ANK3: variants seen among roughly 807,000 people sequenced by gnomAD.
ANK3 encodes the protein ankyrin 3.
Under a neutral mutation model 370.9 loss-of-function variants are expected in ANK3, and 57 were observed. The observed-to-expected ratio is 0.15, with a 90% CI of 0.12 to 0.19. The LOEUF (loss-of-function observed/expected upper bound fraction) is 0.19. Ranked by LOEUF, ANK3 falls within the 10% of genes least tolerant of loss-of-function variation. The pLI is 1.00. For missense variants in ANK3, 4,439 were observed against 5,302.1 expected (o/e 0.84, Z 5.06); for synonymous variants, 1,929 against 1,946.3 (o/e 0.99, Z 0.23).
Position 60,573,054 on chromosome 10 carries a change from T to C in ANK3, c.96+42132A>G, listed in dbSNP as rs557257177. 1.9e-5 allele frequency: 18 copies of C among 966,856 alleles called. No individual in the cohort carries two copies. The South Asian group carries it at 2.9e-4, about 15-fold the overall frequency. The allele number at this position is 966,856 out of a possible 1,614,324, so 59.9% of individuals were successfully genotyped here. On this transcript the variant is annotated intron_variant, in intron 2 of 43. Transcript: ENST00000373827. Reference sequence around the variant, plus strand: ...TGCTCTCCGTGCTGCTAGCCTCCCATACTAACACATGTGTTGAATGCATCA... The same window carrying C: ...TGCTCTCCGTGCTGCTAGCCTCCCACACTAACACATGTGTTGAATGCATCA...
intron 1 of ANK3, among the ~76,000 whole-genome samples, chr10:60,304,195 T>C (rs977780347): frequency 4.6e-5 from 7 of 152,090 alleles, no homozygotes; most frequent in Non-Finnish European, 1.0e-4. Flanking sequence ...AATGTGAATA[T>C]AGTTAACCAT....
intron 7 of ANK3, among the ~76,000 whole-genome samples, chr10:60,247,658 A>G (rs975449204): frequency 6.6e-6 from 1 of 151,894 alleles, no homozygotes; most frequent in African/African-American, 2.4e-5. Flanking sequence ...TCAGCATTTT[A>G]TTATTTTTTT....
At chr10:60,188,911 A>G (rs1048540346) in intron 16 of ANK3, among the ~76,000 whole-genome samples, 3 of 152,186 alleles carry the variant, frequency 2.0e-5, no homozygotes, top group Admixed American at 1.3e-4. Flanking sequence ...ATGCTACAAT[A>G]AGTGACCAGC....
intron 4 of ANK3, among the ~76,000 whole-genome samples, chr10:60,275,569 T>G (rs2098077520): frequency 1.3e-5 from 2 of 152,238 alleles, no homozygotes; most frequent in South Asian, 4.2e-4. Flanking sequence ...TGAAGGTCAG[T>G]TAGATTAGAG....
intron 2 of ANK3, among the ~76,000 whole-genome samples, chr10:60,548,654 G>A (rs910874101): frequency 9.2e-5 from 14 of 152,002 alleles, no homozygotes; most frequent in African/African-American, 3.4e-4. Context: ...TACCTTACTA[G>A]TTCCCATTGA....
intron 42 of ANK3, chr10:60,051,660 T>TCC: frequency 2.7e-6 from 1 of 369,382 alleles, no homozygotes; most frequent in Non-Finnish European, 3.6e-6. Context: ...CTTGATGTTT[T>TCC]CTTCTTTTTT....
At chr10:60,065,693 T>G (rs1254636212) in intron 38 of ANK3, among the ~76,000 whole-genome samples, 1 of 152,234 alleles carries the variant, frequency 6.6e-6, no homozygotes, top group African/African-American at 2.4e-5. Context: ...ATACATTATA[T>G]ATCATGGTGT....
In ANK3 at chr10:60,283,065, A is replaced by C. The variant is rs552211680; in HGVS notation, c.115-3426T>G. Among the ~76,000 whole-genome samples, 51 of 152,314 alleles carry C rather than the reference A, an allele frequency of 3.3e-4. 1 individual carries two copies. Among genetic ancestry groups the C allele is most frequent in the Admixed American group, 2.6e-3 (40 of 15,290 alleles). Reference sequence around the variant, plus strand: ...ATCTGGATACACATTGGTGGAACAAAATAAATGTGGCACAAATAATGACTT... The same window carrying C: ...ATCTGGATACACATTGGTGGAACAACATAAATGTGGCACAAATAATGACTT... On this transcript the variant is annotated intron_variant, in intron 1 of 43. Coordinates refer to ENST00000280772, the MANE Select transcript of ANK3 (RefSeq NM_020987.5).
chr10:60,106,311 AT>A (rs565125363), intron 27 of ANK3, among the ~76,000 whole-genome samples: 166 of 152,112 alleles, frequency 1.1e-3, no homozygotes, highest in Non-Finnish European at 1.9e-3. Flanking sequence ...AATGGGGGAA[AT>A]TTTTCAGTAC....
intron 43 of ANK3, among the ~76,000 whole-genome samples, chr10:60,031,370 C>T (rs1388012456): frequency 6.6e-6 from 1 of 152,084 alleles, no homozygotes; most frequent in Non-Finnish European, 1.5e-5. Context: ...TATAACCAGT[C>T]TTACTGTGTC....
intron 42 of ANK3, chr10:60,053,697 T>C (rs1054876694): frequency 4.5e-5 from 59 of 1,303,896 alleles, no homozygotes; most frequent in Non-Finnish European, 5.7e-5. Context: ...CAGGCAGTCA[T>C]CCGTGTAGGA....
intron 1 of ANK3, among the ~76,000 whole-genome samples, chr10:60,388,077 C>A (rs1213382035): frequency 9.9e-5 from 15 of 152,168 alleles, no homozygotes; most frequent in Non-Finnish European, 1.5e-5. Flanking sequence ...AGACCAGAAT[C>A]TAGCAAAGTA....
intron 1 of ANK3, among the ~76,000 whole-genome samples, chr10:60,622,826 C>T (rs890596034): frequency 8.5e-5 from 13 of 152,132 alleles, no homozygotes; most frequent in African/African-American, 2.9e-4. Context: ...ATGGGACCAA[C>T]GGAACCCAGT....
At chr10:60,483,792 C>T (rs1434022130) in intron 2 of ANK3, among the ~76,000 whole-genome samples, 1 of 152,158 alleles carries the variant, frequency 6.6e-6, no homozygotes, top group South Asian at 2.1e-4. Flanking sequence ...CTTGTCTATA[C>T]CGCCGAACAA....
Position 60,059,414 on chromosome 10 carries a change from T to C in ANK3, c.12612A>G (p.Thr4204=). 6.2e-7 allele frequency: 1 copy of C among 1,614,134 alleles called. No homozygotes were observed. The highest frequency in any genetic ancestry group is 8.5e-7 in the Non-Finnish European group (1 of 1,179,982). ...HDPVDGWQNE[T]SSGNLESCAQ... ...CGCAGGACTCTAGGTTTCCACTTGA[T>C]GTCTCATTCTGCCAACCTGTAATTG... Residue 4204 remains threonine (T), a synonymous_variant, in exon 41 of 44, where the codon ACA becomes ACG. Transcript: ENST00000280772.
chr10:60,163,242 T>C (rs1159221843), intron 23 of ANK3, among the ~76,000 whole-genome samples: 1 of 152,192 alleles, frequency 6.6e-6, no homozygotes, highest in Admixed American at 6.6e-5. Flanking sequence ...GTACGTATAT[T>C]AAAGTTTTAT....
chr10:60,673,454 T>C (rs144806783), intron 1 of ANK3, among the ~76,000 whole-genome samples: 3 of 151,996 alleles, frequency 2.0e-5, no homozygotes. Context: ...AGGTTCAAAC[T>C]ATTCTCCTGC....
intron 2 of ANK3, among the ~76,000 whole-genome samples, chr10:60,477,834 C>T (rs1465828208): frequency 6.6e-6 from 1 of 151,854 alleles, no homozygotes; most frequent in Non-Finnish European, 1.5e-5. Context: ...CCTGTTCTTT[C>T]CACAGTAAAG....
intron 2 of ANK3, among the ~76,000 whole-genome samples, chr10:60,535,211 T>C (rs2076695563): frequency 6.6e-6 from 1 of 152,114 alleles, no homozygotes; most frequent in South Asian, 2.1e-4. Context: ...ATGTTTGCGG[T>C]TTCACAGTCA....
Sources: gnomAD v4.1 joint callset for allele counts (sites outside exome capture counted in the v4.1 genomes callset) on GRCh38, gnomAD v4.1.1 for gene constraint, MANE v1.5 for transcripts, NCBI Gene and HGNC (gene_info 2026-07-23, HGNC 2026-07-21) for gene names.